The following BLVRA variants were observed in gnomAD, a reference collection of about 807,000 sequenced individuals.
The protein encoded by BLVRA is biliverdin reductase A.
Under a neutral mutation model 32.8 loss-of-function variants are expected in BLVRA, and 22 were observed. The observed-to-expected ratio is 0.67, with a 90% CI of 0.48 to 0.96. The LOEUF (loss-of-function observed/expected upper bound fraction) is 0.96. BLVRA is among the 40% of genes least tolerant of loss of function. BLVRA has a pLI of 0.00. For synonymous variants in BLVRA, 119 were observed against 141.3 expected (o/e 0.84, Z 1.12); for missense variants, 323 against 358.1 (o/e 0.90, Z 0.79).
chr7:43,768,355 T>G (rs1354328034), intron 1 of BLVRA, among the ~76,000 whole-genome samples: 1 of 152,108 alleles, frequency 6.6e-6, no homozygotes, highest in Non-Finnish European at 1.5e-5. Flanking sequence ...TGTTTATCCT[T>G]GAAGCTCTCT....
Position 43,791,236 on chromosome 7 carries a change from T to C in BLVRA, c.135-13T>C, listed in dbSNP as rs369962787. On this transcript the variant is annotated splice_polypyrimidine_tract_variant and intron_variant, in intron 3 of 7. Coordinates refer to ENST00000265523, the MANE Select transcript of BLVRA (RefSeq NM_000712.4). Reference sequence around the variant, plus strand: ...CTACCATTGAGTTCCATTTCTCTGTTACTCTGAAATAGAAGGGAGCTCGGG... The same window carrying C: ...CTACCATTGAGTTCCATTTCTCTGTCACTCTGAAATAGAAGGGAGCTCGGG... 76 of 1,614,066 alleles carry C rather than the reference T, an allele frequency of 4.7e-5. No homozygotes were observed. In the African/African-American group the frequency reaches 8.9e-4, roughly 19 times the overall value.
chr7:43,795,762 G>GT lies in BLVRA; in HGVS notation c.352+2957dup, dbSNP rs199731860. On this transcript the variant is annotated intron_variant, in intron 5 of 7. Transcript: ENST00000265523. ...AATAGAAAAAAATCAACAAAACCAAGTTTTTTTGAAAAAAATCCATAAAAT... is the reference window on the plus strand; with the variant it reads ...AATAGAAAAAAATCAACAAAACCAAGTTTTTTTTGAAAAAAATCCATAAAAT... Among the ~76,000 whole-genome samples the GT allele has an allele frequency of 7.1e-3, 1,077 of 151,730 alleles. 11 individuals carry two copies. The highest frequency in any genetic ancestry group is 0.025 in the African/African-American group (1,018 of 41,334).
In BLVRA at chr7:43,798,423, C is replaced by T. The variant is rs181527615; in HGVS notation, c.353-2042C>T. ...TAGTTAAATATCCATTCTCATCACACTGTCTGATATTCATTTATTATTTTA... is the reference window on the plus strand; with the variant it reads ...TAGTTAAATATCCATTCTCATCACATTGTCTGATATTCATTTATTATTTTA... On this transcript the variant is annotated intron_variant, in intron 5 of 7. Coordinates refer to ENST00000265523, the MANE Select transcript of BLVRA (RefSeq NM_000712.4). Among the ~76,000 whole-genome samples, 39 of 151,958 alleles carry T rather than the reference C, an allele frequency of 2.6e-4. 1 individual carries two copies. Among genetic ancestry groups the T allele is most frequent in the Admixed American group, 1.4e-3 (22 of 15,228 alleles).
intron 7 of BLVRA, among the ~76,000 whole-genome samples, chr7:43,804,471 T>C (rs2095802074): frequency 6.6e-6 from 1 of 152,130 alleles, no homozygotes; most frequent in East Asian, 1.9e-4. Flanking sequence ...GAAATTATGT[T>C]AACTCTGTGA....
chr7:43,780,041 T>C (rs913538188), intron 2 of BLVRA, among the ~76,000 whole-genome samples: 1 of 151,898 alleles, frequency 6.6e-6, no homozygotes, highest in Non-Finnish European at 1.5e-5. Flanking sequence ...CTGGGTAATT[T>C]TTGTGTTTTT....
intron 2 of BLVRA, among the ~76,000 whole-genome samples, chr7:43,775,053 G>T (rs2095759181): frequency 6.6e-6 from 1 of 152,084 alleles, no homozygotes; most frequent in African/African-American, 2.4e-5. Flanking sequence ...AGACAATGGG[G>T]TTTTCTAGAT....
intron 3 of BLVRA, among the ~76,000 whole-genome samples, chr7:43,790,741 C>T (rs895345470): frequency 1.3e-5 from 2 of 152,150 alleles, no homozygotes; most frequent in Admixed American, 6.5e-5. Flanking sequence ...GGTGCAATCT[C>T]GGCTCACTGC....
chr7:43,775,148 T>C (rs1273768561), intron 2 of BLVRA, among the ~76,000 whole-genome samples: 1 of 152,094 alleles, frequency 6.6e-6, no homozygotes, highest in Non-Finnish European at 1.5e-5. Context: ...TCCTGCCTGA[T>C]TGCCCTGGCC....
At chr7:43,766,956 G>A (rs755114483) in intron 1 of BLVRA, among the ~76,000 whole-genome samples, 4 of 152,108 alleles carry the variant, frequency 2.6e-5, no homozygotes, top group African/African-American at 7.2e-5. Context: ...GTGATCATGC[G>A]TGCCACTGCA....
intron 2 of BLVRA, among the ~76,000 whole-genome samples, chr7:43,781,652 A>T (rs1233288083): frequency 6.6e-6 from 1 of 152,168 alleles, no homozygotes; most frequent in Admixed American, 6.6e-5. Context: ...TATACTTTTA[A>T]TGTACATAAT....
intron 3 of BLVRA, among the ~76,000 whole-genome samples, chr7:43,790,426 G>GACAC (rs138248593): frequency 4.6e-5 from 7 of 151,004 alleles, no homozygotes; most frequent in East Asian, 1.9e-4. Context: ...GAGGGAGGAA[G>GACAC]ACACACACAC....
At chr7:43,795,651 A>G (rs1040810268) in intron 5 of BLVRA, among the ~76,000 whole-genome samples, 2 of 152,224 alleles carry the variant, frequency 1.3e-5, no homozygotes, top group East Asian at 3.9e-4. Context: ...TCAAGGGACT[A>G]GGAAAAGAAG....
chr7:43,787,939 T>C lies in BLVRA; in HGVS notation c.48T>C (p.Val16=). ...AGTTTGGCGTGGTGGTGGTTGGTGT[T>C]GGCCGAGCCGGCTCCGTGCGGATGA... The part of the protein sequence containing the change: ...ERKFGVVVVG[V]GRAGSVRMRD... The change falls in exon 3 of 8, where the codon GTT becomes GTC. Residue 16 remains valine (V), a synonymous_variant. Transcript: ENST00000265523. The surrounding 1 kb of genome is among the most constrained non-coding windows in gnomAD (Gnocchi z 4.5). 6.2e-7 allele frequency: 1 copy of C among 1,614,198 alleles called. No homozygotes were observed. The highest frequency in any genetic ancestry group is 8.5e-7 in the Non-Finnish European group (1 of 1,180,034).
intron 6 of BLVRA, 64 bp from the exon 7 acceptor site, chr7:43,803,612 C>CCA: frequency 6.7e-7 from 1 of 1,494,896 alleles, no homozygotes; most frequent in Non-Finnish European, 9.3e-7. Flanking sequence ...CCCCACCCCC[C>CCA]TGTCCTGCTT....
intron 1 of BLVRA, among the ~76,000 whole-genome samples, chr7:43,760,746 G>C (rs2095741358): frequency 6.7e-6 from 1 of 148,234 alleles, no homozygotes; most frequent in East Asian, 2.0e-4. Flanking sequence ...GGGGAGCTTA[G>C]TTCCTGACAA....
intron 1 of BLVRA, among the ~76,000 whole-genome samples, chr7:43,767,955 C>T (rs1239007218): frequency 6.6e-6 from 1 of 152,114 alleles, no homozygotes; most frequent in African/African-American, 2.4e-5. Flanking sequence ...AAATAGGAAG[C>T]AGTAGAATTG....
At chr7:43,758,592 G>T, upstream of BLVRA, 1 of 156,008 alleles carries the variant, frequency 6.4e-6, no homozygotes, top group Non-Finnish European at 1.4e-5. Flanking sequence ...CTTCCCCACC[G>T]CCTCCGGTCC....
chr7:43,758,844 G>A (rs1179774099), intron 1 of BLVRA, 110 bp downstream of exon 1: 2 of 151,634 alleles, frequency 1.3e-5, no homozygotes, highest in Non-Finnish European at 2.9e-5. Flanking sequence ...CAGGAGGCCC[G>A]GGCCCGCGGC....
chr7:43,790,845 G>GT (rs1179655096), intron 3 of BLVRA, among the ~76,000 whole-genome samples: 1 of 152,096 alleles, frequency 6.6e-6, no homozygotes, highest in Non-Finnish European at 1.5e-5. Flanking sequence ...GCTAACTTTT[G>GT]TATTTTTTGT....
Sources: allele counts gnomAD v4.1 joint callset (sites outside exome capture counted in the v4.1 genomes callset), GRCh38; gene constraint gnomAD v4.1.1; non-coding constraint Gnocchi (gnomAD v3.1); transcripts MANE v1.5; gene names NCBI Gene and HGNC (gene_info 2026-07-23, HGNC 2026-07-21).